OLFM3: variants seen among roughly 807,000 people sequenced by gnomAD.
OLFM3 encodes the protein noelin-3.
Under a neutral mutation model 48.6 loss-of-function variants are expected in OLFM3, and 20 were observed. The observed-to-expected ratio is 0.41, with a 90% CI of 0.29 to 0.60. OLFM3 has a LOEUF of 0.60. Ranked by LOEUF, OLFM3 falls within the 20% of genes least tolerant of loss-of-function variation. The pLI is 0.28. For synonymous variants in OLFM3, 222 were observed against 198.1 expected (o/e 1.12, Z -1.01); for missense variants, 437 against 544.3 (o/e 0.80, Z 1.96).
chr1:101,875,813 G>A (rs1386268365), intron 1 of OLFM3, among the ~76,000 whole-genome samples: 1 of 151,914 alleles, frequency 6.6e-6, no homozygotes, highest in Admixed American at 6.6e-5. Context: ...TGCTGGAATG[G>A]CCCTGACAGT....
intron 1 of OLFM3, among the ~76,000 whole-genome samples, chr1:101,988,220 A>G (rs1160558130): frequency 6.6e-6 from 1 of 152,174 alleles, no homozygotes; most frequent in Non-Finnish European, 1.5e-5. Flanking sequence ...ACATACAATA[A>G]AAGTAGTCAA....
At chr1:101,955,815 TGC>T (rs1660270923) in intron 1 of OLFM3, among the ~76,000 whole-genome samples, 2 of 151,920 alleles carry the variant, frequency 1.3e-5, no homozygotes, top group South Asian at 4.1e-4. Flanking sequence ...TACATCTAAT[TGC>T]TTATTGCACA....
intron 1 of OLFM3, among the ~76,000 whole-genome samples, chr1:101,906,244 T>C (rs967014690): frequency 5.3e-5 from 8 of 152,078 alleles, no homozygotes; most frequent in Non-Finnish European, 1.2e-4. Context: ...CACTAAATTA[T>C]TGAATTGGAA....
At chr1:101,863,389 C>T (rs1402208155) in intron 1 of OLFM3, among the ~76,000 whole-genome samples, 1 of 152,204 alleles carries the variant, frequency 6.6e-6, no homozygotes, top group African/African-American at 2.4e-5. Context: ...TTACTTCTTT[C>T]TGCTACATAA....
chr1:101,974,299 T>G (rs1341288608), intron 1 of OLFM3, among the ~76,000 whole-genome samples: 1 of 152,170 alleles, frequency 6.6e-6, no homozygotes, highest in East Asian at 1.9e-4. Flanking sequence ...GTAAATGGAT[T>G]TTCTAGGGTT....
chr1:101,926,523 T>C (rs879347721), intron 1 of OLFM3, among the ~76,000 whole-genome samples: 6 of 152,214 alleles, frequency 3.9e-5, no homozygotes, highest in Non-Finnish European at 8.8e-5. Flanking sequence ...GCAATTAAAC[T>C]GTCTTGTGAC....
At chr1:101,974,669 C>A (rs1469480565) in intron 1 of OLFM3, among the ~76,000 whole-genome samples, 6 of 152,126 alleles carry the variant, frequency 3.9e-5, no homozygotes, top group Admixed American at 2.0e-4. Flanking sequence ...ACAGGGTCTA[C>A]TAATGCTACA....
At chr1:101,979,440 C>T (rs1469713105) in intron 1 of OLFM3, among the ~76,000 whole-genome samples, 2 of 152,090 alleles carry the variant, frequency 1.3e-5, no homozygotes, top group Non-Finnish European at 2.9e-5. Context: ...ATGCTGTTCT[C>T]GTGATAGTGG....
Position 101,846,890 on chromosome 1 carries a change from G to C in OLFM3, c.70-9865C>G, listed in dbSNP as rs752372594. On this transcript the variant is annotated intron_variant, in intron 1 of 5. Transcript: ENST00000370103. ...GCCTCGTGGTGTTCAGTCCCACCAA[G>C]GATGGGAGAGTTTGGGACATCCAGT... 33 of 1,612,608 alleles carry C rather than the reference G, an allele frequency of 2.0e-5. No individual in the cohort carries two copies. The Admixed American group carries it at 3.7e-4, about 18-fold the overall frequency.
At chr1:101,851,730 T>G (rs549442554) in intron 1 of OLFM3, among the ~76,000 whole-genome samples, 1 of 152,282 alleles carries the variant, frequency 6.6e-6, no homozygotes, top group South Asian at 2.1e-4. Flanking sequence ...TTACCATATC[T>G]GCTTACTTCC....
intron 1 of OLFM3, among the ~76,000 whole-genome samples, chr1:101,920,789 C>T (rs950455185): frequency 6.6e-6 from 1 of 152,216 alleles, no homozygotes. Flanking sequence ...CCCATTCCCA[C>T]TGCTTTATTC....
chr1:101,944,938 G>C (rs2101063730), intron 1 of OLFM3, among the ~76,000 whole-genome samples: 1 of 151,182 alleles, frequency 6.6e-6, no homozygotes. Context: ...AGATGCCAGA[G>C]AAGATGCTCA....
At chr1:101,879,906 A>G (rs1199480128) in intron 1 of OLFM3, among the ~76,000 whole-genome samples, 3 of 151,976 alleles carry the variant, frequency 2.0e-5, no homozygotes, top group South Asian at 4.1e-4. Context: ...AAAATAGCAT[A>G]TAATTGATGA....
chr1:101,918,101 A>G (rs1570629445), intron 1 of OLFM3, among the ~76,000 whole-genome samples: 1 of 152,212 alleles, frequency 6.6e-6, no homozygotes, highest in African/African-American at 2.4e-5. Context: ...AAGTCGTCCA[A>G]AGAAATTCAA....
At chr1:101,963,300 A>G (rs1660517751) in intron 1 of OLFM3, among the ~76,000 whole-genome samples, 1 of 152,286 alleles carries the variant, frequency 6.6e-6, no homozygotes, top group Non-Finnish European at 1.5e-5. Context: ...TCTGCTTCCA[A>G]AGCAGAAAAT....
At chr1:101,858,561 T>C (rs1450216697) in intron 1 of OLFM3, among the ~76,000 whole-genome samples, 1 of 152,034 alleles carries the variant, frequency 6.6e-6, no homozygotes, top group Non-Finnish European at 1.5e-5. Flanking sequence ...TCGTATCAAA[T>C]TGTAATTCTC....
At chr1:101,937,499 T>A (rs2094411) in intron 1 of OLFM3, among the ~76,000 whole-genome samples, 7,142 of 152,216 alleles carry the variant, frequency 0.047, 559 homozygotes, top group African/African-American at 0.16. Context: ...TCTCGTGCTG[T>A]ACTTATGACA....
chr1:101,877,948 T>G (rs144470797), intron 1 of OLFM3, among the ~76,000 whole-genome samples: 69 of 151,948 alleles, frequency 4.5e-4, no homozygotes, highest in African/African-American at 1.4e-3. Context: ...CTTATAAAAC[T>G]GGCTTAGGAT....
intron 3 of OLFM3, among the ~76,000 whole-genome samples, chr1:101,829,920 C>T (rs1038476011): frequency 1.6e-4 from 24 of 151,818 alleles, no homozygotes; most frequent in South Asian, 1.0e-3. Flanking sequence ...CTGCAAGCTC[C>T]GCCTCCCAGG....
Sources: gnomAD v4.1 joint callset for allele counts (sites outside exome capture counted in the v4.1 genomes callset) on GRCh38, gnomAD v4.1.1 for gene constraint, MANE v1.5 for transcripts, NCBI Gene and HGNC (gene_info 2026-07-23, HGNC 2026-07-21) for gene names.